The following DPP6 variants were observed in gnomAD, a reference collection of about 807,000 sequenced individuals.
DPP6 encodes dipeptidyl peptidase like 6.
A neutral mutation model predicts 122.6 loss-of-function variants in DPP6; 69 were observed. That is an observed-to-expected ratio of 0.56 (90% confidence interval 0.46 to 0.69). The LOEUF (loss-of-function observed/expected upper bound fraction) is 0.69. Ranked by LOEUF, DPP6 falls within the 30% of genes least tolerant of loss-of-function variation. The pLI, the probability that DPP6 is intolerant of heterozygous loss-of-function variation, is 0.00. For synonymous variants in DPP6, 418 were observed against 433.1 expected, an observed-to-expected ratio of 0.97 and a Z score of 0.43; for missense variants, 928 against 1,116.9, an observed-to-expected ratio of 0.83 and a Z score of 2.41.
intron 1 of DPP6, among the ~76,000 whole-genome samples, chr7:154,145,522 G>A (rs1414929919): frequency 2.0e-5 from 3 of 151,984 alleles, no homozygotes; most frequent in Middle Eastern, 3.4e-3. Flanking sequence ...GGAAGATAAT[G>A]CATTTGCATT....
At chr7:154,065,799 CTGGGTTTTCCTCAGGGAA>C (rs1031471378) in intron 1 of DPP6, among the ~76,000 whole-genome samples, 4 of 152,020 alleles carry the variant, frequency 2.6e-5, no homozygotes, top group African/African-American at 7.2e-5. Flanking sequence ...TCCTCAGGGA[CTGGGTTTTCCTCAGGGAA>C]TGGGGCAAGT....
chr7:154,213,230 G>A (rs145897420), intron 1 of DPP6, among the ~76,000 whole-genome samples: 8 of 152,272 alleles, frequency 5.3e-5, no homozygotes, highest in African/African-American at 1.9e-4. Flanking sequence ...CAGGGTCAGG[G>A]CTGACACAGG....
At chr7:153,952,626 C>T (rs1450033640) in intron 1 of DPP6, among the ~76,000 whole-genome samples, 1 of 152,186 alleles carries the variant, frequency 6.6e-6, no homozygotes, top group Non-Finnish European at 1.5e-5. Context: ...TTATGAGCAC[C>T]TTTGAATGAA....
chr7:153,827,142 A>G, the DPP6 span, among the ~76,000 whole-genome samples: 1 of 152,226 alleles, frequency 6.6e-6, no homozygotes, highest in Non-Finnish European at 1.5e-5. Flanking sequence ...ATTTAAGATA[A>G]GGTGACAGAA....
intron 1 of DPP6, among the ~76,000 whole-genome samples, chr7:154,082,779 C>T (rs1288394111): frequency 6.6e-6 from 1 of 151,740 alleles, no homozygotes; most frequent in Non-Finnish European, 1.5e-5. Context: ...CCTCCACAAA[C>T]CTTGAGGAGT....
At chr7:154,479,301 T>TA (rs1823023499) in intron 3 of DPP6, among the ~76,000 whole-genome samples, 1 of 152,206 alleles carries the variant, frequency 6.6e-6, no homozygotes, top group African/African-American at 2.4e-5. Flanking sequence ...CTCACGCCTG[T>TA]AATCCCAGCA....
At chr7:153,777,116 C>A in the DPP6 span, among the ~76,000 whole-genome samples, 1 of 152,120 alleles carries the variant, frequency 6.6e-6, no homozygotes, top group Non-Finnish European at 1.5e-5. Context: ...GGATGCAAAA[C>A]AAACACATGC....
chr7:154,213,256 T>C (rs1799831991), intron 1 of DPP6, among the ~76,000 whole-genome samples: 1 of 151,928 alleles, frequency 6.6e-6, no homozygotes, highest in Non-Finnish European at 1.5e-5. Flanking sequence ...GGGAAGAGAG[T>C]TTGCAAGTAG....
chr7:154,243,285 AAC>A (rs1164215043), intron 1 of DPP6, among the ~76,000 whole-genome samples: 1 of 152,222 alleles, frequency 6.6e-6, no homozygotes, highest in Non-Finnish European at 1.5e-5. Flanking sequence ...CAAGGAAAAC[AAC>A]AGTCAATAGA....
intron 2 of DPP6, among the ~76,000 whole-genome samples, chr7:154,469,120 T>C (rs1045215548): frequency 1.3e-5 from 2 of 152,068 alleles, no homozygotes; most frequent in African/African-American, 4.8e-5. Flanking sequence ...GTATGGGAAA[T>C]AGACTTGAAA....
intron 1 of DPP6, among the ~76,000 whole-genome samples, chr7:154,355,289 C>T (rs1420093875): frequency 1.3e-5 from 2 of 152,214 alleles, no homozygotes; most frequent in African/African-American, 4.8e-5. Context: ...AGACCTTCAT[C>T]AGATACATTA....
chr7:154,797,163 T>G (rs945876741), intron 12 of DPP6, among the ~76,000 whole-genome samples: 4 of 152,270 alleles, frequency 2.6e-5, no homozygotes, highest in Non-Finnish European at 5.9e-5. Flanking sequence ...AACTCCGTTA[T>G]CTATATATCA....
At chr7:154,493,115 A>G (rs1434969875) in intron 3 of DPP6, among the ~76,000 whole-genome samples, 1 of 152,192 alleles carries the variant, frequency 6.6e-6, no homozygotes, top group Non-Finnish European at 1.5e-5. Flanking sequence ...GGGACCCATC[A>G]AAGATGTCAT....
At chr7:154,380,462 GT>G (rs1300979921) in intron 1 of DPP6, among the ~76,000 whole-genome samples, 1 of 152,224 alleles carries the variant, frequency 6.6e-6, no homozygotes, top group African/African-American at 2.4e-5. Context: ...TGTTCATTGT[GT>G]TCTCCATTCA....
chr7:154,835,764 A>G (rs12112810), intron 16 of DPP6, among the ~76,000 whole-genome samples: 97,401 of 152,122 alleles, frequency 0.64, 33,603 homozygotes, highest in East Asian at 0.83. Context: ...TGCTTCCAAG[A>G]CACACTTTTC....
chr7:154,208,435 C>T (rs1277917129), intron 1 of DPP6, among the ~76,000 whole-genome samples: 2 of 152,218 alleles, frequency 1.3e-5, no homozygotes, highest in African/African-American at 4.8e-5. Flanking sequence ...CTTCGCAAGG[C>T]CCAGACACCC....
chr7:153,811,338 G>T, the DPP6 span, among the ~76,000 whole-genome samples: 1 of 152,088 alleles, frequency 6.6e-6, no homozygotes, highest in Non-Finnish European at 1.5e-5. Context: ...TCTGGAATAT[G>T]GCCCATTAAA....
At chr7:153,788,526 C>T in the DPP6 span, among the ~76,000 whole-genome samples, 1 of 152,182 alleles carries the variant, frequency 6.6e-6, no homozygotes, top group Admixed American at 6.5e-5. Flanking sequence ...CAATCGATGG[C>T]ATCTCACAGT....
intron 8 of DPP6, among the ~76,000 whole-genome samples, chr7:154,762,078 T>G (rs2131517786): frequency 6.6e-6 from 1 of 152,276 alleles, no homozygotes; most frequent in African/African-American, 2.4e-5. Flanking sequence ...GCTAAACCAT[T>G]TGTGAGAAAT....
Sources: gnomAD v4.1 joint callset for allele counts (sites outside exome capture counted in the v4.1 genomes callset) on GRCh38, gnomAD v4.1.1 for gene constraint, MANE v1.5 for transcripts, NCBI Gene and HGNC (gene_info 2026-07-23, HGNC 2026-07-21) for gene names.